The following AKAP6 variants were observed in gnomAD, a reference collection of about 807,000 sequenced individuals.
AKAP6 encodes A-kinase anchor protein 6.
Under a neutral mutation model 188.5 loss-of-function variants are expected in AKAP6, and 58 were observed. The observed-to-expected ratio is 0.31, with a 90% CI of 0.25 to 0.38. The LOEUF (loss-of-function observed/expected upper bound fraction) is 0.38. Ranked by LOEUF, AKAP6 falls within the 10% of genes least tolerant of loss-of-function variation. AKAP6 has a pLI of 1.00. For missense variants in AKAP6, 2,710 were observed against 2,740.0 expected, an observed-to-expected ratio of 0.99 and a Z score of 0.24; for synonymous variants, 989 against 998.6, an observed-to-expected ratio of 0.99 and a Z score of 0.18.
At chr14:32,335,842 CT>C (rs375076849) in intron 1 of AKAP6, among the ~76,000 whole-genome samples, 524 of 93,960 alleles carry the variant, frequency 5.6e-3, no homozygotes, top group Non-Finnish European at 7.3e-3. Flanking sequence ...TCCTTTTCTC[CT>C]TTTTTTTTTT....
At chr14:32,675,146 C>A (rs1889374065) in intron 7 of AKAP6, among the ~76,000 whole-genome samples, 1 of 152,126 alleles carries the variant, frequency 6.6e-6, no homozygotes, top group African/African-American at 2.4e-5. Context: ...CTGAGCATCC[C>A]ACCAGTACCT....
At chr14:32,429,035 C>A (rs1253575163) in intron 1 of AKAP6, among the ~76,000 whole-genome samples, 3 of 152,188 alleles carry the variant, frequency 2.0e-5, no homozygotes, top group Non-Finnish European at 4.4e-5. Flanking sequence ...AAGGTGGCCG[C>A]AGACAAGCAT....
At chr14:32,758,095 T>C (rs1429979007) in intron 11 of AKAP6, among the ~76,000 whole-genome samples, 1 of 152,212 alleles carries the variant, frequency 6.6e-6, no homozygotes, top group Non-Finnish European at 1.5e-5. Flanking sequence ...TTGCATGCCC[T>C]TTATAGTATT....
intron 4 of AKAP6, among the ~76,000 whole-genome samples, chr14:32,571,539 T>C (rs1884488586): frequency 6.6e-6 from 1 of 152,100 alleles, no homozygotes; most frequent in South Asian, 2.1e-4. Context: ...AAAAAATAAA[T>C]GAATAAATAA....
At chr14:32,821,106 T>G (rs900285770) in intron 12 of AKAP6, among the ~76,000 whole-genome samples, 25 of 152,226 alleles carry the variant, frequency 1.6e-4, no homozygotes, top group African/African-American at 6.0e-4. Flanking sequence ...AGATTCAAAA[T>G]GTAGATGAAT....
intron 12 of AKAP6, among the ~76,000 whole-genome samples, chr14:32,820,165 A>C (rs139738441): frequency 1.8e-4 from 28 of 152,060 alleles, no homozygotes; most frequent in Non-Finnish European, 4.4e-5. Flanking sequence ...CCCTTCAACC[A>C]GTCTGCAAGT....
At chr14:32,628,478 A>G (rs999613073) in intron 7 of AKAP6, among the ~76,000 whole-genome samples, 3 of 152,116 alleles carry the variant, frequency 2.0e-5, no homozygotes, top group African/African-American at 4.8e-5. Flanking sequence ...GAAGTCTTCT[A>G]TTAGAATTAG....
chr14:32,333,462 G>A (rs1364541301), intron 1 of AKAP6, among the ~76,000 whole-genome samples: 1 of 152,112 alleles, frequency 6.6e-6, no homozygotes, highest in Non-Finnish European at 1.5e-5. Flanking sequence ...ACATTCTAGA[G>A]GGGAAGGGAA....
intron 12 of AKAP6, among the ~76,000 whole-genome samples, chr14:32,781,436 C>T (rs1293884339): frequency 6.6e-6 from 1 of 151,844 alleles, no homozygotes; most frequent in Non-Finnish European, 1.5e-5. Flanking sequence ...TAAAACCTCC[C>T]CAGAAAGAAA....
chr14:32,536,187 C>T (rs150703536), intron 3 of AKAP6, among the ~76,000 whole-genome samples: 232 of 152,200 alleles, frequency 1.5e-3, no homozygotes, highest in African/African-American at 5.3e-3. Flanking sequence ...GAAAATGGAG[C>T]CAAGTGAATA....
rs1052510771 is a variant in AKAP6 at position 32,653,722 on chromosome 14, A to C, written c.2731-24589A>C. On this transcript the variant is annotated intron_variant, in intron 7 of 13. Coordinates refer to ENST00000280979, the MANE Select transcript of AKAP6 (RefSeq NM_004274.5). ...AAGGGAATAATAATAATTATCTTGAAGAATACAATGAAATCGAGAAGTATT... is the reference window on the plus strand; with the variant it reads ...AAGGGAATAATAATAATTATCTTGACGAATACAATGAAATCGAGAAGTATT... 2.6e-5 allele frequency among the ~76,000 whole-genome samples: 4 copies of C among 152,214 alleles called. No individual in the cohort carries two copies. In the South Asian group the frequency reaches 8.3e-4, roughly 32 times the overall value.
Position 32,764,718 on chromosome 14 carries a change from G to A in AKAP6, c.3373-8960G>A, listed in dbSNP as rs201346731. 9.6e-4 allele frequency among the ~76,000 whole-genome samples: 100 copies of A among 104,154 alleles called. 1 individual carries two copies. The highest frequency in any genetic ancestry group is 1.3e-3 in the African/African-American group (36 of 27,498). The allele number at this position is 104,154 out of a possible 152,430, so 68.3% of individuals were successfully genotyped here. A position where few individuals can be genotyped will look rare whatever the true frequency, so the allele number is the denominator to read the frequency against. ...AATACACACACACACACACACACAC[G>A]CACACACACATATTGTAGTGTTGCT... is the stretch of plus-strand genomic sequence containing the variant. On this transcript the variant is annotated intron_variant, in intron 11 of 13. Transcript: ENST00000280979.
At chr14:32,596,603 A>G (rs1885714363) in intron 5 of AKAP6, among the ~76,000 whole-genome samples, 1 of 152,150 alleles carries the variant, frequency 6.6e-6, no homozygotes, top group East Asian at 1.9e-4. Context: ...ATGGAATTTC[A>G]TATAATCAGT....
At chr14:32,404,901 G>A (rs1456870874) in intron 1 of AKAP6, among the ~76,000 whole-genome samples, 1 of 149,608 alleles carries the variant, frequency 6.7e-6, no homozygotes, top group Non-Finnish European at 1.5e-5. Context: ...AGACAGATGG[G>A]CAAGCAATAA....
chr14:32,764,313 A>T (rs975515345), intron 11 of AKAP6, among the ~76,000 whole-genome samples: 1 of 152,196 alleles, frequency 6.6e-6, no homozygotes, highest in African/African-American at 2.4e-5. Flanking sequence ...CTGTTATTAT[A>T]ACCACCCTGA....
rs144304931 is a variant in AKAP6 at position 32,421,116 on chromosome 14, C to T, written c.-34-12344C>T. Reference sequence around the variant, plus strand: ...TCTGATTTATCATCCTTTGTATATGCCTCTACTTCCACCCCAAAGCTTACT... The same window carrying T: ...TCTGATTTATCATCCTTTGTATATGTCTCTACTTCCACCCCAAAGCTTACT... On this transcript the variant is annotated intron_variant, in intron 1 of 13. Transcript: ENST00000280979. Among the ~76,000 whole-genome samples the T allele has an allele frequency of 4.6e-3, 704 of 152,094 alleles. 3 individuals are homozygous for T. The highest frequency in any genetic ancestry group is 7.9e-3 in the Non-Finnish European group (538 of 67,996).
At chr14:32,361,233 G>A (rs1447744802) in intron 1 of AKAP6, among the ~76,000 whole-genome samples, 1 of 151,848 alleles carries the variant, frequency 6.6e-6, no homozygotes, top group Non-Finnish European at 1.5e-5. Flanking sequence ...AAGCTTCAGA[G>A]AGAAGGCAAC....
chr14:32,644,130 T>C (rs1887880521), intron 7 of AKAP6, among the ~76,000 whole-genome samples: 1 of 152,186 alleles, frequency 6.6e-6, no homozygotes, highest in Non-Finnish European at 1.5e-5. Context: ...GATCATTTGA[T>C]GTTAAATGGT....
At chr14:32,780,134 GA>G (rs1251882001) in intron 12 of AKAP6, among the ~76,000 whole-genome samples, 3 of 98,836 alleles carry the variant, frequency 3.0e-5, no homozygotes, top group Admixed American at 9.3e-5. Flanking sequence ...TAGATGAATG[GA>G]AAAAGAAATT....
Sources: allele counts gnomAD v4.1 joint callset (sites outside exome capture counted in the v4.1 genomes callset), GRCh38; gene constraint gnomAD v4.1.1; transcripts MANE v1.5; gene names NCBI Gene and HGNC (gene_info 2026-07-23, HGNC 2026-07-21).